Variants in PROSER2 observed in about 807,000 individuals in gnomAD.
The protein encoded by PROSER2 is proline and serine-rich protein 2.
Under a neutral mutation model 14.6 loss-of-function variants are expected in PROSER2, and 18 were observed. That is an observed-to-expected ratio of 1.23 (90% CI 0.85 to 1.83). The LOEUF is 1.83. Among genes scored for constraint, PROSER2 ranks in the 40% most tolerant of loss-of-function variants. PROSER2 has a pLI of 0.00. For missense variants in PROSER2, 823 were observed against 629.8 expected (o/e 1.31, Z -3.28); for synonymous variants, 367 against 286.4 (o/e 1.28, Z -2.84).
At position 11,838,363 on chromosome 10, in the gene PROSER2, G is replaced by A. The variant is rs1833791033; in HGVS notation, c.-81-13634G>A. 6.6e-6 allele frequency among the ~76,000 whole-genome samples: 1 copy of A among 152,246 alleles called. No individual in the cohort carries two copies. Among genetic ancestry groups the A allele is most frequent in the African/African-American group, 2.4e-5 (1 of 41,462 alleles). ...GCCTCATCCAGCTGATCTAACTGAT[G>A]TGCAGTATTCCGTAGTAAGCATTTA... On this transcript the variant is annotated intron_variant, in intron 1 of 3. Coordinates refer to ENST00000277570, the MANE Select transcript of PROSER2 (RefSeq NM_153256.4). This position sits in a 1 kb window ranked among gnomAD's most constrained non-coding sequence, Gnocchi z 4.4.
Position 11,836,054 on chromosome 10 carries a change from CAG to C in PROSER2, c.-82+12587_-82+12588del, listed in dbSNP as rs1833755726. 6.6e-6 allele frequency among the ~76,000 whole-genome samples: 1 copy of C among 152,208 alleles called. No individual in the cohort carries two copies. Among genetic ancestry groups the C allele is most frequent in the African/African-American group, 2.4e-5 (1 of 41,518 alleles). ...GTGGCTTTATTTATTTATCTAGAGA[CAG>C]AGTCTCACTCTGTCGCCCAGGCTGC... On this transcript the variant is annotated intron_variant, in intron 1 of 3. Coordinates refer to ENST00000277570, the MANE Select transcript of PROSER2 (RefSeq NM_153256.4). This position sits in a 1 kb window ranked among gnomAD's most constrained non-coding sequence, Gnocchi z 4.6.
intron 1 of PROSER2, among the ~76,000 whole-genome samples, chr10:11,828,385 C>G (rs1833643965): frequency 6.6e-6 from 1 of 151,218 alleles, no homozygotes. Flanking sequence ...AAAAATAGTA[C>G]AATTGGTATT....
chr10:11,845,637 C>T (rs569109486), intron 1 of PROSER2, among the ~76,000 whole-genome samples: 12 of 152,258 alleles, frequency 7.9e-5, no homozygotes, highest in African/African-American at 2.9e-4. Flanking sequence ...TGTTAGCACC[C>T]CTAGGCCCTC....
Position 11,859,008 on chromosome 10 carries a change from C to CAAAAAAAAA in PROSER2, c.138+6809_138+6817dup, listed in dbSNP as rs750181845. Among the ~76,000 whole-genome samples, 89 of 61,140 alleles carry CAAAAAAAAA rather than the reference C, an allele frequency of 1.5e-3. 6 individuals carry two copies. The highest frequency in any genetic ancestry group is 2.1e-3 in the African/African-American group (36 of 16,774). The allele number at this position is 61,140 out of a possible 152,430, so 40.1% of individuals were successfully genotyped here. A position where few individuals can be genotyped will look rare whatever the true frequency, so the allele number is the denominator to read the frequency against. ...TGGGCAACAAAGCGAGACTCTGTCT[C>CAAAAAAAAA]AAAAAAAAAAAAAAAAAAAAAAAAG... is the stretch of plus-strand genomic sequence containing the variant. On this transcript the variant is annotated intron_variant, in intron 2 of 3. Coordinates refer to ENST00000277570, the MANE Select transcript of PROSER2 (RefSeq NM_153256.4).
chr10:11,863,786 T>TCTGTTATGGTGC (rs1301747812), intron 2 of PROSER2, among the ~76,000 whole-genome samples: 1 of 152,292 alleles, frequency 6.6e-6, no homozygotes, highest in South Asian at 2.1e-4. Context: ...CTGAGACAAC[T>TCTGTTATGGTGC]CTGTTATGGT....
chr10:11,831,642 C>G (rs1833690488), intron 1 of PROSER2: 1 of 152,186 alleles, frequency 6.6e-6, no homozygotes, highest in Non-Finnish European at 1.5e-5. Flanking sequence ...GTTGACCTCC[C>G]CTCGCCTTCC....
intron 2 of PROSER2, among the ~76,000 whole-genome samples, chr10:11,864,025 C>T (rs933686025): frequency 1.6e-4 from 25 of 152,128 alleles, no homozygotes; most frequent in African/African-American, 4.8e-4. Context: ...TACCTGGCTC[C>T]GTGTCTTCTG....
rs1474734006 is a variant in PROSER2 at position 11,830,658 on chromosome 10, T to A, written c.-82+7188T>A. Among the ~76,000 whole-genome samples the A allele has an allele frequency of 6.6e-6, 1 of 152,250 alleles. No homozygotes were observed. Among genetic ancestry groups the A allele is most frequent in the Non-Finnish European group, 1.5e-5 (1 of 68,042 alleles). On this transcript the variant is annotated intron_variant, in intron 1 of 3. Transcript: ENST00000277570. The surrounding 1 kb of genome is among the most constrained non-coding windows in gnomAD (Gnocchi z 4.5). ...CTACTTAAAGGTGTCCTGATTTCTCTGAGAGAGGTTGATAGCCATTCCTTG... is the reference window on the plus strand; with the variant it reads ...CTACTTAAAGGTGTCCTGATTTCTCAGAGAGAGGTTGATAGCCATTCCTTG...
At position 11,853,294 on chromosome 10, in the gene PROSER2, T is replaced by TATTATTTG. The variant is rs574605861; in HGVS notation, c.138+1083_138+1090dup. ...AACCATTATGGTAATATGTGATAAA[T>TATTATTTG]ATTATTTGATTGGCCGGGCACAGTG... On this transcript the variant is annotated intron_variant, in intron 2 of 3. Transcript: ENST00000277570. Among the ~76,000 whole-genome samples the TATTATTTG allele has an allele frequency of 5.4e-3, 826 of 152,278 alleles. 6 individuals are homozygous for TATTATTTG. Among genetic ancestry groups the TATTATTTG allele is most frequent in the African/African-American group, 0.019 (785 of 41,554 alleles).
chr10:11,834,674 G>T (rs528031022), intron 1 of PROSER2, among the ~76,000 whole-genome samples: 2 of 152,250 alleles, frequency 1.3e-5, no homozygotes, highest in East Asian at 1.9e-4. Flanking sequence ...GGTGGAGGTT[G>T]CAGTGAGCCA....
rs1365218119 is a variant in PROSER2, at chr10:11,872,266, G to GT, written c.*1866dup. On this transcript the variant is annotated 3_prime_UTR_variant, in exon 4 of 4. Transcript: ENST00000277570. The stretch of plus-strand genomic sequence containing the variant: ...ACATTTTTGAAAAATAAATTTAAGA[G>GT]TTTTTTCTTAAGTAAGCTTGTTTTT... 3.9e-5 allele frequency: 6 copies of GT among 152,108 alleles called. No individual in the cohort carries two copies. Among genetic ancestry groups the GT allele is most frequent in the Non-Finnish European group, 7.4e-5 (5 of 68,010 alleles). The allele number at this position is 152,108 out of a possible 1,614,324, so 9.4% of individuals were successfully genotyped here.
chr10:11,837,991 A>G lies in PROSER2; in HGVS notation c.-81-14006A>G, dbSNP rs1421560630. On this transcript the variant is annotated intron_variant, in intron 1 of 3. Coordinates refer to ENST00000277570, the MANE Select transcript of PROSER2 (RefSeq NM_153256.4). The surrounding 1 kb of genome is among the most constrained non-coding windows in gnomAD (Gnocchi z 4.6). ...TGCCTGTCTTTTCTTCCCTCATTAG[A>G]TCATAACTTATCTGCCTGTATCATC... is the stretch of plus-strand genomic sequence containing the variant. Among the ~76,000 whole-genome samples the G allele has an allele frequency of 1.3e-5, 2 of 151,462 alleles. No individual in the cohort carries two copies. Among genetic ancestry groups the G allele is most frequent in the African/African-American group, 2.4e-5 (1 of 41,152 alleles).
At chr10:11,840,977 T>TG (rs1279087463) in intron 1 of PROSER2, among the ~76,000 whole-genome samples, 6 of 107,926 alleles carry the variant, frequency 5.6e-5, no homozygotes, top group South Asian at 5.9e-4. Context: ...TATATATATA[T>TG]ATATATATAT....
chr10:11,859,616 C>G (rs551038488), intron 2 of PROSER2, among the ~76,000 whole-genome samples: 1 of 152,304 alleles, frequency 6.6e-6, no homozygotes, highest in East Asian at 1.9e-4. Context: ...TAGCAAACGC[C>G]TCTTCCAACA....
rs967318421 is a variant in PROSER2, at chr10:11,823,954, G to T, written c.-82+484G>T. Among the ~76,000 whole-genome samples the T allele has an allele frequency of 6.6e-6, 1 of 152,140 alleles. No individual in the cohort carries two copies. Among genetic ancestry groups the T allele is most frequent in the Non-Finnish European group, 1.5e-5 (1 of 68,010 alleles). ...CCCCCAGGTCCTGGAATCACGCGGG[G>T]ATGTGCAGGGTCTGCCCAGCCCAGC... On this transcript the variant is annotated intron_variant, in intron 1 of 3. Coordinates refer to ENST00000277570, the MANE Select transcript of PROSER2 (RefSeq NM_153256.4). This position sits in a 1 kb window ranked among gnomAD's most constrained non-coding sequence, Gnocchi z 6.2.
rs970973007 is a variant in PROSER2 at position 11,856,227 on chromosome 10, C to T, written c.138+4012C>T. 6.6e-5 allele frequency among the ~76,000 whole-genome samples: 10 copies of T among 152,220 alleles called. No individual in the cohort carries two copies. Among genetic ancestry groups the T allele is most frequent in the African/African-American group, 2.4e-4 (10 of 41,458 alleles). On this transcript the variant is annotated intron_variant, in intron 2 of 3. Transcript: ENST00000277570. The surrounding 1 kb of genome is among the most constrained non-coding windows in gnomAD (Gnocchi z 5.3). ...TATGTGACAGCTCTCCTCTCCATGG[C>T]TGCTGCAGGCGGCTCTGGGTGTTTG...
In PROSER2 at chr10:11,823,885, G is replaced by A. The variant is rs1014500846; in HGVS notation, c.-82+415G>A. On this transcript the variant is annotated intron_variant, in intron 1 of 3. Coordinates refer to ENST00000277570, the MANE Select transcript of PROSER2 (RefSeq NM_153256.4). This position sits in a 1 kb window ranked among gnomAD's most constrained non-coding sequence, Gnocchi z 6.2. Reference sequence around the variant, plus strand: ...GACCCCATGCGGCCTCGGGGAGAGGGTGCGGGTCCGACACGGCGGGCGGAG... The same window carrying A: ...GACCCCATGCGGCCTCGGGGAGAGGATGCGGGTCCGACACGGCGGGCGGAG... 1.3e-5 allele frequency among the ~76,000 whole-genome samples: 2 copies of A among 152,208 alleles called. No homozygotes were observed. Among genetic ancestry groups the A allele is most frequent in the Non-Finnish European group, 2.9e-5 (2 of 68,034 alleles).
At chr10:11,849,538 A>G (rs936757249) in intron 1 of PROSER2, 3 of 152,246 alleles carry the variant, frequency 2.0e-5, no homozygotes, top group Admixed American at 6.5e-5. Context: ...GAGGTAGGAA[A>G]ATAGTAAGCA....
At chr10:11,857,274 G>C (rs1477221151) in intron 2 of PROSER2, 1 of 152,182 alleles carries the variant, frequency 6.6e-6, no homozygotes, top group African/African-American at 2.4e-5. Context: ...CCTGTTTAAA[G>C]ACACTGAAGG....
Sources: allele counts gnomAD v4.1 joint callset (sites outside exome capture counted in the v4.1 genomes callset), GRCh38; gene constraint gnomAD v4.1.1; non-coding constraint Gnocchi (gnomAD v3.1); transcripts MANE v1.5; gene names NCBI Gene and HGNC (gene_info 2026-07-23, HGNC 2026-07-21).